The following MYO3B variants were observed in gnomAD, a reference collection of about 807,000 sequenced individuals.
The protein encoded by MYO3B is myosin-IIIb.
Under a neutral mutation model 174.6 loss-of-function variants are expected in MYO3B, and 156 were observed. The observed-to-expected ratio is 0.89, with a 90% CI of 0.78 to 1.02. The LOEUF (loss-of-function observed/expected upper bound fraction) is 1.02, where lower values mean the gene tolerates loss of function less well. MYO3B is among the 50% of genes least tolerant of loss of function. The pLI is 0.00. For synonymous variants in MYO3B, 563 were observed against 569.1 expected (o/e 0.99, Z 0.15); for missense variants, 1,632 against 1,639.4 (o/e 1.00, Z 0.08).
At chr2:170,443,938 A>C in intron 22 of MYO3B, 29 bp from the exon 23 acceptor site, 2 of 1,581,012 alleles carry the variant, frequency 1.3e-6, no homozygotes, top group Non-Finnish European at 1.7e-6. Flanking sequence ...TTTTCCTTTA[A>C]TTTATGTTCT....
chr2:170,610,867 T>A (rs992103232), intron 32 of MYO3B, among the ~76,000 whole-genome samples: 11 of 152,208 alleles, frequency 7.2e-5, no homozygotes, highest in Admixed American at 7.2e-4. Context: ...ATTGAGCAAT[T>A]TATATATTGT....
At chr2:170,193,821 G>T (rs938322939) in intron 1 of MYO3B, among the ~76,000 whole-genome samples, 1 of 151,622 alleles carries the variant, frequency 6.6e-6, no homozygotes, top group Non-Finnish European at 1.5e-5. Context: ...CTTTTTGCTT[G>T]GTTACCTTAA....
rs746068059 is a variant in MYO3B at position 170,214,760 on chromosome 2, T to A, written c.458T>A (p.Ile153Asn). The A allele has an allele frequency of 1.2e-6, 2 of 1,614,106 alleles. No homozygotes were observed. Among genetic ancestry groups the A allele is most frequent in the Non-Finnish European group, 8.5e-7 (1 of 1,180,008 alleles). Reference sequence around the variant, plus strand: ...CAGCATTTGCACAACAACCGAATCATCCACCGTGATGTGAAGGGGAATAAC... The same window carrying A: ...CAGCATTTGCACAACAACCGAATCAACCACCGTGATGTGAAGGGGAATAAC... Reference protein sequence around the residue: ...GLQHLHNNRIIHRDVKGNNIL... With the variant: ...GLQHLHNNRINHRDVKGNNIL... Residue 153 changes from isoleucine (I) to asparagine (N), a missense_variant, in exon 5 of 35, where the codon ATC becomes AAC. Coordinates refer to ENST00000408978, the MANE Select transcript of MYO3B (RefSeq NM_138995.5).
chr2:170,583,794 A>G (rs1204514337), intron 32 of MYO3B, among the ~76,000 whole-genome samples: 1 of 152,172 alleles, frequency 6.6e-6, no homozygotes, highest in Non-Finnish European at 1.5e-5. Context: ...CTCCTTGCCC[A>G]AGGTCACACA....
At chr2:170,557,541 T>A (rs982327089) in intron 32 of MYO3B, among the ~76,000 whole-genome samples, 3 of 152,204 alleles carry the variant, frequency 2.0e-5, no homozygotes, top group African/African-American at 7.2e-5. Flanking sequence ...AAAATATACC[T>A]TTATTCCTCA....
intron 7 of MYO3B, among the ~76,000 whole-genome samples, chr2:170,269,296 C>T (rs531714058): frequency 1.3e-5 from 2 of 152,278 alleles, no homozygotes; most frequent in South Asian, 4.1e-4. Context: ...GTATTGGTCA[C>T]CAAAGTGGCA....
At chr2:170,226,377 A>G (rs949278477) in intron 6 of MYO3B, among the ~76,000 whole-genome samples, 74 of 152,186 alleles carry the variant, frequency 4.9e-4, no homozygotes, top group African/African-American at 1.8e-3. Flanking sequence ...GCTCAAAGAA[A>G]CAGATTCCTT....
chr2:170,546,033 A>G (rs1690457747), intron 32 of MYO3B, among the ~76,000 whole-genome samples: 1 of 152,114 alleles, frequency 6.6e-6, no homozygotes, highest in Non-Finnish European at 1.5e-5. Flanking sequence ...TCTGTGCTTC[A>G]GAATCTCCAA....
intron 7 of MYO3B, among the ~76,000 whole-genome samples, chr2:170,315,676 T>A (rs539918131): frequency 6.6e-6 from 1 of 152,380 alleles, no homozygotes; most frequent in South Asian, 2.1e-4. Flanking sequence ...TTGACAGTGT[T>A]AAATGTTTTA....
rs938861367 is a variant in MYO3B, at chr2:170,456,009, T to C, written c.2731-7359T>C. Among the ~76,000 whole-genome samples, 3 of 152,218 alleles carry C rather than the reference T, an allele frequency of 2.0e-5. No individual in the cohort carries two copies. In the East Asian group the frequency reaches 5.8e-4, roughly 29 times the overall value. Reference sequence around the variant, plus strand: ...CTCTGAAAGTTTGCTGAAAATAAACTGACAAGAGGCAGATTAATATGAGAA... The same window carrying C: ...CTCTGAAAGTTTGCTGAAAATAAACCGACAAGAGGCAGATTAATATGAGAA... On this transcript the variant is annotated intron_variant, in intron 23 of 34. Coordinates refer to ENST00000408978, the MANE Select transcript of MYO3B (RefSeq NM_138995.5).
At chr2:170,180,284 C>T in intron 1 of MYO3B, 1 of 314,934 alleles carries the variant, frequency 3.2e-6, no homozygotes, top group Non-Finnish European at 6.9e-6. Context: ...TCACGAGAAA[C>T]TCAAATCAGC....
chr2:170,431,300 C>T (rs1260264943), intron 22 of MYO3B, among the ~76,000 whole-genome samples: 2 of 151,996 alleles, frequency 1.3e-5, no homozygotes, highest in South Asian at 4.2e-4. Context: ...GACCTACTGC[C>T]GACGTGGCAA....
chr2:170,565,301 T>G (rs1691993866), intron 32 of MYO3B, among the ~76,000 whole-genome samples: 1 of 152,220 alleles, frequency 6.6e-6, no homozygotes, highest in African/African-American at 2.4e-5. Flanking sequence ...TTTTATAAAC[T>G]TATCCTTTGT....
At chr2:170,619,938 G>A (rs1695771433) in intron 32 of MYO3B, among the ~76,000 whole-genome samples, 1 of 151,042 alleles carries the variant, frequency 6.6e-6, no homozygotes, top group African/African-American at 2.4e-5. Flanking sequence ...GTAGAGACAG[G>A]GTTTCACCAT....
intron 7 of MYO3B, among the ~76,000 whole-genome samples, chr2:170,323,615 C>T (rs1449210830): frequency 2.0e-5 from 3 of 152,178 alleles, no homozygotes; most frequent in African/African-American, 7.2e-5. Context: ...TCGGCCGCAC[C>T]ATTACCAGCT....
chr2:170,301,851 C>A (rs982776617), intron 7 of MYO3B, among the ~76,000 whole-genome samples: 1 of 140,936 alleles, frequency 7.1e-6, no homozygotes, highest in African/African-American at 2.7e-5. Context: ...CGACATAGAG[C>A]GGCCACATAG....
intron 25 of MYO3B, among the ~76,000 whole-genome samples, chr2:170,485,420 C>CACACACAG (rs777460347): frequency 0.012 from 1,596 of 127,834 alleles, 21 homozygotes; most frequent in African/African-American, 0.037. Context: ...CACACACACA[C>CACACACAG]AGAGAGAGAG....
intron 6 of MYO3B, among the ~76,000 whole-genome samples, chr2:170,223,224 A>G (rs1021829615): frequency 1.3e-5 from 2 of 152,076 alleles, no homozygotes; most frequent in Non-Finnish European, 2.9e-5. Flanking sequence ...TGGTCTCCTG[A>G]CCTAAAACTT....
rs1380156962 is a variant in MYO3B, at chr2:170,391,537, A to T, written c.1595A>T (p.His532Leu). The T allele has an allele frequency of 2.0e-6, 3 of 1,520,120 alleles. No homozygotes were observed. The highest frequency in any genetic ancestry group is 2.6e-6 in the Non-Finnish European group (3 of 1,135,926). 94.2% of individuals were successfully genotyped at this position (1,520,120 alleles called of 1,614,324 possible). A position where few individuals can be genotyped will look rare whatever the true frequency, so the allele number is the denominator to read the frequency against. The change falls in exon 15 of 35, where the codon CAT (histidine) becomes CTT (leucine). Residue 532 changes from histidine (H) to leucine (L), a missense_variant. By Grantham distance (99) the His-to-Leu change is moderately conservative. Transcript: ENST00000408978. ...TTTTTCAGGAGAGAGAAAAATTTTCATATATTTTACTATATTTATGCTGGT... is the reference window on the plus strand; with the variant it reads ...TTTTTCAGGAGAGAGAAAAATTTTCTTATATTTTACTATATTTATGCTGGT... ...IKQAAREKNFHIFYYIYAGLH... is the reference protein window; with the variant it reads ...IKQAAREKNFLIFYYIYAGLH...
Sources: gnomAD v4.1 joint callset for allele counts (sites outside exome capture counted in the v4.1 genomes callset) on GRCh38, gnomAD v4.1.1 for gene constraint, MANE v1.5 for transcripts, NCBI Gene and HGNC (gene_info 2026-07-23, HGNC 2026-07-21) for gene names.